Variants in NXPH1 observed in about 807,000 individuals in gnomAD.
The protein encoded by NXPH1 is neurexophilin-1.
In NXPH1, 5 loss-of-function variants were observed where a neutral mutation model predicts 23.7. The observed-to-expected ratio is 0.21, with a 90% CI of 0.11 to 0.44. The LOEUF (loss-of-function observed/expected upper bound fraction) is 0.44, where lower values mean the gene tolerates loss of function less well. NXPH1 is among the 20% of genes least tolerant of loss of function. The pLI is 0.99. For synonymous variants in NXPH1, 144 were observed against 122.2 expected (o/e 1.18, Z -1.18); for missense variants, 324 against 321.6 (o/e 1.01, Z -0.06).
At chr7:8,746,517 C>T (rs1780472452) in intron 2 of NXPH1, among the ~76,000 whole-genome samples, 1 of 152,196 alleles carries the variant, frequency 6.6e-6, no homozygotes, top group African/African-American at 2.4e-5. Flanking sequence ...AACTTGAGTT[C>T]AATCACTTAC....
chr7:8,555,401 G>A (rs1818341650), intron 2 of NXPH1, among the ~76,000 whole-genome samples: 1 of 151,634 alleles, frequency 6.6e-6, no homozygotes, highest in Non-Finnish European at 1.5e-5. Context: ...GATACGAGTA[G>A]ATTTTGAACA....
chr7:8,716,275 C>A (rs995173313), intron 2 of NXPH1, among the ~76,000 whole-genome samples: 1 of 152,112 alleles, frequency 6.6e-6, no homozygotes, highest in Non-Finnish European at 1.5e-5. Flanking sequence ...TATCATCTCC[C>A]CTTTAAGGTG....
intron 2 of NXPH1, among the ~76,000 whole-genome samples, chr7:8,685,280 G>T (rs1287920657): frequency 6.6e-6 from 1 of 150,450 alleles, no homozygotes; most frequent in Non-Finnish European, 1.5e-5. Context: ...TATGTTTGAA[G>T]TAGAGAGGCA....
intron 2 of NXPH1, among the ~76,000 whole-genome samples, chr7:8,710,148 C>G (rs1420503271): frequency 6.6e-6 from 1 of 152,112 alleles, no homozygotes; most frequent in Non-Finnish European, 1.5e-5. Context: ...GTTTTAAGAA[C>G]AATTTTGTGA....
intron 2 of NXPH1, among the ~76,000 whole-genome samples, chr7:8,624,652 A>T (rs59630681): frequency 0.024 from 3,716 of 152,226 alleles, 137 homozygotes; most frequent in African/African-American, 0.078. Context: ...GAATGAATGG[A>T]GTTGTACAAA....
intron 2 of NXPH1, among the ~76,000 whole-genome samples, chr7:8,481,987 A>T (rs1164058448): frequency 6.6e-6 from 1 of 152,172 alleles, no homozygotes; most frequent in African/African-American, 2.4e-5. Flanking sequence ...GACCTGACGC[A>T]CATGCAGCCT....
rs1817300976 is a variant in NXPH1, at chr7:8,494,371, T to C, written c.54+58604T>C. On this transcript the variant is annotated intron_variant, in intron 2 of 2. Transcript: ENST00000405863. ...TATCTCTTTGTATCCACCTGTGAGA[T>C]AGGTAGTATCTTTTTCTTTTTTACT... is the stretch of plus-strand genomic sequence containing the variant. Among the ~76,000 whole-genome samples the C allele has an allele frequency of 3.3e-5, 5 of 151,560 alleles. No homozygotes were observed. In the South Asian group the frequency reaches 8.4e-4, roughly 25 times the overall value.
At chr7:8,664,793 T>G (rs887246426) in intron 2 of NXPH1, among the ~76,000 whole-genome samples, 2 of 152,094 alleles carry the variant, frequency 1.3e-5, no homozygotes, top group African/African-American at 4.8e-5. Context: ...ATGTTCAGCA[T>G]TTTTTCATAT....
intron 2 of NXPH1, among the ~76,000 whole-genome samples, chr7:8,661,942 C>G (rs2115162448): frequency 6.6e-6 from 1 of 151,824 alleles, no homozygotes; most frequent in Middle Eastern, 3.4e-3. Context: ...AAAAACAAAC[C>G]AATTAACTTG....
At chr7:8,472,811 C>G (rs909875937) in intron 2 of NXPH1, among the ~76,000 whole-genome samples, 1 of 152,164 alleles carries the variant, frequency 6.6e-6, no homozygotes, top group Non-Finnish European at 1.5e-5. Flanking sequence ...AAGGCAGAAG[C>G]CTCAAACAGA....
At chr7:8,589,712 C>T (rs1410251868) in intron 2 of NXPH1, among the ~76,000 whole-genome samples, 1 of 151,960 alleles carries the variant, frequency 6.6e-6, no homozygotes, top group Non-Finnish European at 1.5e-5. Flanking sequence ...GAAGTTGGGG[C>T]TGAACGGAAG....
chr7:8,500,609 C>T (rs1463083287), intron 2 of NXPH1, among the ~76,000 whole-genome samples: 1 of 152,040 alleles, frequency 6.6e-6, no homozygotes, highest in Non-Finnish European at 1.5e-5. Context: ...GTGAAGGGCA[C>T]AGTATTATCT....
In NXPH1 at chr7:8,702,230, A is replaced by G. The variant is rs539244062; in HGVS notation, c.55-48778A>G. Among the ~76,000 whole-genome samples, 55 of 152,274 alleles carry G rather than the reference A, an allele frequency of 3.6e-4. 1 individual carries two copies. The South Asian group carries it at 6.2e-3, about 17-fold the overall frequency. On this transcript the variant is annotated intron_variant, in intron 2 of 2. Coordinates refer to ENST00000405863, the MANE Select transcript of NXPH1 (RefSeq NM_152745.3). ...TCATGTAGAAATAGTACATGGCTCT[A>G]TCACCTCAAACTTTTATGCAAATTA...
intron 2 of NXPH1, among the ~76,000 whole-genome samples, chr7:8,669,150 A>T (rs1262313503): frequency 6.6e-6 from 1 of 152,086 alleles, no homozygotes; most frequent in Non-Finnish European, 1.5e-5. Flanking sequence ...GGAGGCCTGG[A>T]CCTCGGGTCT....
At chr7:8,595,976 A>T (rs7455385) in intron 2 of NXPH1, among the ~76,000 whole-genome samples, 15,177 of 152,106 alleles carry the variant, frequency 0.1, 1,651 homozygotes, top group African/African-American at 0.25. Flanking sequence ...TAAATTTAAC[A>T]TTGTACTGAC....
chr7:8,664,273 G>C (rs967943336), intron 2 of NXPH1, among the ~76,000 whole-genome samples: 1 of 151,862 alleles, frequency 6.6e-6, no homozygotes, highest in African/African-American at 2.4e-5. Context: ...AAAATATCCT[G>C]TGCTTCCTAG....
At chr7:8,670,500 G>C (rs897014700) in intron 2 of NXPH1, among the ~76,000 whole-genome samples, 1 of 152,134 alleles carries the variant, frequency 6.6e-6, no homozygotes, top group African/African-American at 2.4e-5. Flanking sequence ...TCCAAGCAAA[G>C]CTTCTCATGT....
intron 2 of NXPH1, among the ~76,000 whole-genome samples, chr7:8,461,277 T>C (rs1459187176): frequency 6.6e-6 from 1 of 152,218 alleles, no homozygotes; most frequent in South Asian, 2.1e-4. Flanking sequence ...AATCCCTTTC[T>C]CATTCTCCAG....
At chr7:8,456,372 A>G (rs1226177177) in intron 2 of NXPH1, among the ~76,000 whole-genome samples, 2 of 152,230 alleles carry the variant, frequency 1.3e-5, no homozygotes, top group Non-Finnish European at 2.9e-5. Flanking sequence ...TCTTGATTCT[A>G]ATGTTACAAT....
Sources: allele counts gnomAD v4.1 joint callset (sites outside exome capture counted in the v4.1 genomes callset), GRCh38; gene constraint gnomAD v4.1.1; transcripts MANE v1.5; gene names NCBI Gene and HGNC (gene_info 2026-07-23, HGNC 2026-07-21).